The following DSC3 variants were observed in gnomAD, a reference collection of about 807,000 sequenced individuals.
DSC3 encodes the protein desmocollin-3.
In DSC3, 97 loss-of-function variants were observed where a neutral mutation model predicts 89.5. The ratio of observed to expected loss-of-function variants is 1.08; its 90% CI spans 0.92 to 1.28. The LOEUF (loss-of-function observed/expected upper bound fraction) is 1.28, where lower values mean the gene tolerates loss of function less well. Ranked by LOEUF, DSC3 falls within the 50% of genes most tolerant of loss-of-function variation. The probability of loss-of-function intolerance (pLI) is 0.00; values close to 1 mark genes in which losing one functional copy is unlikely to be tolerated. For synonymous variants in DSC3, 436 were observed against 384.1 expected (o/e 1.14, Z -1.58); for missense variants, 1,199 against 1,085.3 (o/e 1.10, Z -1.47).
intron 10 of DSC3, 48 bp from the exon 11 acceptor site, chr18:31,008,206 A>G (rs774172630): frequency 1.2e-6 from 2 of 1,609,070 alleles, no homozygotes; most frequent in South Asian, 1.1e-5. Context: ...ATGTTTTCAA[A>G]TAAGTTACTA....
chr18:31,014,335 G>A (rs1231023055), intron 9 of DSC3, among the ~76,000 whole-genome samples: 3 of 151,996 alleles, frequency 2.0e-5, no homozygotes, highest in African/African-American at 7.2e-5. Context: ...ACTTAAACAT[G>A]TTTGTGTATA....
chr18:31,008,899 T>G (rs1313692), intron 9 of DSC3, among the ~76,000 whole-genome samples: 39,403 of 152,056 alleles, frequency 0.26, 5,567 homozygotes, highest in East Asian at 0.59. Flanking sequence ...GTATGGGAAG[T>G]TGCCTTTATT....
chr18:31,015,923 G>A (rs1247031904), intron 9 of DSC3, among the ~76,000 whole-genome samples: 1 of 152,186 alleles, frequency 6.6e-6, no homozygotes. Context: ...ACAGTATGCA[G>A]TCAAGAAACC....
At chr18:31,009,027 A>G (rs1303906371) in intron 9 of DSC3, among the ~76,000 whole-genome samples, 3 of 152,076 alleles carry the variant, frequency 2.0e-5, no homozygotes, top group Admixed American at 1.3e-4. Flanking sequence ...CATAGAAAAG[A>G]TATCTCCAGT....
At chr18:31,030,730 AGAAAAGGAAGGG>A (rs780937356) in intron 3 of DSC3, among the ~76,000 whole-genome samples, 4 of 151,668 alleles carry the variant, frequency 2.6e-5, no homozygotes, top group East Asian at 1.9e-4. Flanking sequence ...CAGGGAGGGA[AGAAAAGGAAGGG>A]GAAAAGGAAG....
In DSC3 at chr18:30,999,511, A is replaced by G. The variant is rs190433986; in HGVS notation, c.2235+2107T>C. On this transcript the variant is annotated intron_variant, in intron 14 of 15. Coordinates refer to ENST00000360428, the MANE Select transcript of DSC3 (RefSeq NM_001941.5). ...ATGGTATAATTTCGTTGTAATAAAC[A>G]CAAGTTCAAAGATCATATTTCTAAG... is the stretch of plus-strand genomic sequence containing the variant. Among the ~76,000 whole-genome samples the G allele has an allele frequency of 8.5e-5, 13 of 152,232 alleles. No individual in the cohort carries two copies. The East Asian group carries it at 1.5e-3, about 18-fold the overall frequency.
chr18:31,002,278 T>A (rs1984688703), intron 13 of DSC3, among the ~76,000 whole-genome samples: 1 of 152,182 alleles, frequency 6.6e-6, no homozygotes, highest in East Asian at 1.9e-4. Flanking sequence ...ATTCTTCCAG[T>A]CTAAAAGACC....
chr18:31,004,475 C>A, intron 12 of DSC3, 109 bp from the exon 13 acceptor site: 4 of 940,704 alleles, frequency 4.3e-6, no homozygotes, highest in Non-Finnish European at 3.2e-6. Flanking sequence ...AACTGCCTGC[C>A]AGATGAAAAT....
At chr18:31,036,856 G>A (rs1411641772) in intron 1 of DSC3, among the ~76,000 whole-genome samples, 2 of 138,330 alleles carry the variant, frequency 1.4e-5, no homozygotes, top group Admixed American at 8.0e-5. Flanking sequence ...GCAGTGGTGC[G>A]ATCTCAGCTC....
At chr18:31,013,236 A>AG (rs1598538633) in intron 9 of DSC3, among the ~76,000 whole-genome samples, 1 of 127,428 alleles carries the variant, frequency 7.8e-6, no homozygotes, top group Non-Finnish European at 1.6e-5. Flanking sequence ...GACAAAGAAA[A>AG]TATGTCAAAA....
intron 1 of DSC3, among the ~76,000 whole-genome samples, chr18:31,042,327 GCAGCGAAGCCTGAGCGCGACT>G (rs1902603852): frequency 6.6e-6 from 1 of 152,224 alleles, no homozygotes; most frequent in South Asian, 2.1e-4. Context: ...CCGCCAGAGC[GCAGCGAAGCCTGAGCGCGACT>G]CAGAATTCCA....
At chr18:30,998,044 C>A (rs1984535459) in intron 14 of DSC3, among the ~76,000 whole-genome samples, 1 of 152,180 alleles carries the variant, frequency 6.6e-6, no homozygotes, top group African/African-American at 2.4e-5. Flanking sequence ...TTATGAAGAT[C>A]ACAGGGACTG....
chr18:31,008,354 G>C lies in DSC3; in HGVS notation c.1435C>G (p.Arg479Gly). The change falls in exon 10 of 16, where the codon CGG becomes GGG. Residue 479 changes from arginine (R) to glycine (G), a missense_variant. Coordinates refer to ENST00000360428, the MANE Select transcript of DSC3 (RefSeq NM_001941.5). ...CCCACTGCTAAGTTTTCTTTAATCC[G>C]CACATATTGGGCTGCAGGAGTGCAT... ...PECTPAAQYV[R>G]IKENLAVGSK... 6.2e-7 allele frequency: 1 copy of C among 1,613,906 alleles called. No individual in the cohort carries two copies. The highest frequency in any genetic ancestry group is 8.5e-7 in the Non-Finnish European group (1 of 1,179,990).
chr18:31,024,602 T>C, intron 5 of DSC3, 109 bp from the exon 6 acceptor site: 1 of 1,245,746 alleles, frequency 8.0e-7, no homozygotes, highest in Non-Finnish European at 1.1e-6. Flanking sequence ...TAAACTACTT[T>C]GAAGTTTTTT....
chr18:31,002,420 G>T (rs1984692890), intron 13 of DSC3, among the ~76,000 whole-genome samples: 1 of 152,166 alleles, frequency 6.6e-6, no homozygotes, highest in Non-Finnish European at 1.5e-5. Flanking sequence ...GAAAATTACA[G>T]CCGGGTGCAG....
Position 30,996,791 on chromosome 18 carries a change from T to G in DSC3, c.2493A>C (p.Glu831Asp). 6.2e-7 allele frequency: 1 copy of G among 1,613,482 alleles called. No individual in the cohort carries two copies. The highest frequency in any genetic ancestry group is 8.5e-7 in the Non-Finnish European group (1 of 1,179,966). Residue 831 changes from glutamate to aspartate, a missense_variant and splice_region_variant, in exon 15 of 16, where the codon GAA becomes GAC. By Grantham distance (45) the Glu-to-Asp change is conservative. Coordinates refer to ENST00000360428, the MANE Select transcript of DSC3 (RefSeq NM_001941.5). ...ACTCAAAACACCTAAGGAAACTCAC[T>G]TCACCGAGACGGGGTTGAGTAAAAC... The part of the protein sequence containing the change: ...WHSFTQPRLG[E>D]KLHRCNQNED...
At chr18:31,026,929 C>T (rs1312517637) in intron 4 of DSC3, among the ~76,000 whole-genome samples, 1 of 152,082 alleles carries the variant, frequency 6.6e-6, no homozygotes, top group Non-Finnish European at 1.5e-5. Flanking sequence ...CAGAGACAGC[C>T]ATGCTAAAAA....
chr18:31,011,005 G>A (rs1985038640), intron 9 of DSC3, among the ~76,000 whole-genome samples: 1 of 152,208 alleles, frequency 6.6e-6, no homozygotes, highest in South Asian at 2.1e-4. Flanking sequence ...CTATTAGGGA[G>A]GCAGAAAGAA....
chr18:31,008,108 G>C lies in DSC3; in HGVS notation c.1571C>G (p.Ser524Ter), dbSNP rs1984919082. 6.2e-7 allele frequency: 1 copy of C among 1,612,522 alleles called. No homozygotes were observed. The highest frequency in any genetic ancestry group is 8.5e-7 in the Non-Finnish European group (1 of 1,179,346). The change falls in exon 11 of 16, where the codon TCA becomes TGA. Residue 524 changes from serine to a stop codon, truncating the protein, a stop_gained. Coordinates refer to ENST00000360428, the MANE Select transcript of DSC3 (RefSeq NM_001941.5). LOFTEE classifies it high-confidence loss of function. Reference sequence around the variant, plus strand: ...GATTTTGGAAGTTATGATTGACCCTGAAATTTCATCAATGGTGATCCAACC... The same window carrying C: ...GATTTTGGAAGTTATGATTGACCCTCAAATTTCATCAATGGTGATCCAACC... ...PKGWITIDEI[S>*]GSIITSKILD...
Sources: gnomAD v4.1 joint callset for allele counts (sites outside exome capture counted in the v4.1 genomes callset) on GRCh38, gnomAD v4.1.1 for gene constraint, MANE v1.5 for transcripts, NCBI Gene and HGNC (gene_info 2026-07-23, HGNC 2026-07-21) for gene names.